The following ZNF277 variants were observed in gnomAD, a reference collection of about 807,000 sequenced individuals.
ZNF277 encodes the protein zinc finger protein 277.
Under a neutral mutation model 60.7 loss-of-function variants are expected in ZNF277, and 55 were observed. That is an observed-to-expected ratio of 0.91 (90% confidence interval 0.73 to 1.13). The LOEUF is 1.13. Ranked by LOEUF, ZNF277 falls within the 50% of genes most tolerant of loss-of-function variation. The pLI, the probability that ZNF277 is intolerant of heterozygous loss-of-function variation, is 0.00. For synonymous variants in ZNF277, 178 were observed against 179.3 expected (o/e 0.99, Z 0.06); for missense variants, 510 against 523.0 (o/e 0.98, Z 0.24).
intron 1 of ZNF277, among the ~76,000 whole-genome samples, chr7:112,255,006 CA>C (rs1381290970): frequency 6.6e-6 from 1 of 151,834 alleles, no homozygotes; most frequent in African/African-American, 2.4e-5. Flanking sequence ...ACAAAAAAAA[CA>C]AGTGATTGCC....
intron 1 of ZNF277, among the ~76,000 whole-genome samples, chr7:112,256,672 C>G (rs1791318419): frequency 6.6e-6 from 1 of 152,044 alleles, no homozygotes; most frequent in South Asian, 2.1e-4. Flanking sequence ...TCTCAAACTC[C>G]TGACCTCAGG....
chr7:112,340,765 C>T, intron 10 of ZNF277, 107 bp from the exon 11 acceptor site: 1 of 886,674 alleles, frequency 1.1e-6, no homozygotes, highest in Non-Finnish European at 1.8e-6. Context: ...ATTGTACTGC[C>T]TCTTCAGGTT....
chr7:112,261,007 C>T (rs1198385625), intron 1 of ZNF277, among the ~76,000 whole-genome samples: 1 of 152,190 alleles, frequency 6.6e-6, no homozygotes, highest in African/African-American at 2.4e-5. Context: ...TCAGAACTCA[C>T]AACAATAGGT....
At chr7:112,307,792 T>G (rs1405771088) in intron 4 of ZNF277, among the ~76,000 whole-genome samples, 2 of 151,972 alleles carry the variant, frequency 1.3e-5, no homozygotes, top group Admixed American at 1.3e-4. Context: ...AGTATCTTAG[T>G]GGTTAAGTGC....
chr7:112,340,412 T>C (rs1793420740), intron 10 of ZNF277, among the ~76,000 whole-genome samples: 1 of 152,236 alleles, frequency 6.6e-6, no homozygotes, highest in Admixed American at 6.5e-5. Context: ...AGTACTGACT[T>C]GCTAATAGAT....
intron 1 of ZNF277, among the ~76,000 whole-genome samples, chr7:112,228,693 T>A (rs916248081): frequency 2.0e-5 from 3 of 152,132 alleles, no homozygotes; most frequent in African/African-American, 7.2e-5. Flanking sequence ...GGTAGTCAGA[T>A]TGTACATAGT....
intron 1 of ZNF277, among the ~76,000 whole-genome samples, chr7:112,223,434 T>G (rs968340628): frequency 6.6e-6 from 1 of 152,212 alleles, no homozygotes; most frequent in Non-Finnish European, 1.5e-5. Flanking sequence ...TCTGTCTCCC[T>G]AGGCACTAGT....
At chr7:112,293,189 A>C (rs6948649) in intron 2 of ZNF277, among the ~76,000 whole-genome samples, 8,982 of 152,234 alleles carry the variant, frequency 0.059, 706 homozygotes, top group African/African-American at 0.18. Flanking sequence ...ATTAACTATG[A>C]TACTTTGACC....
chr7:112,296,888 TTTTATTTA>T (rs764539582), intron 4 of ZNF277, among the ~76,000 whole-genome samples: 2,205 of 61,310 alleles, frequency 0.036, 52 homozygotes, highest in East Asian at 0.068. Flanking sequence ...CTTATTTTTA[TTTTATTTA>T]TTTATTTATT....
Position 112,241,879 on chromosome 7 carries a change from G to A in ZNF277, c.91+35072G>A, listed in dbSNP as rs548181346. Among the ~76,000 whole-genome samples, 3 of 152,124 alleles carry A rather than the reference G, an allele frequency of 2.0e-5. No individual in the cohort carries two copies. The South Asian group carries it at 6.2e-4, about 32-fold the overall frequency. The stretch of plus-strand genomic sequence containing the variant: ...AAGGGTAGTGGTGGCGGAGAGGTGA[G>A]GATAGTTAAAGAGTACAAAAATATA... On this transcript the variant is annotated intron_variant, in intron 1 of 11. Coordinates refer to ENST00000361822, the MANE Select transcript of ZNF277 (RefSeq NM_021994.3).
intron 1 of ZNF277, among the ~76,000 whole-genome samples, chr7:112,209,771 C>G (rs1266441480): frequency 6.6e-6 from 1 of 152,092 alleles, no homozygotes; most frequent in African/African-American, 2.4e-5. Flanking sequence ...TTTTGTTAGG[C>G]AGTCATTTAG....
At chr7:112,235,284 C>A (rs1341025427) in intron 1 of ZNF277, among the ~76,000 whole-genome samples, 1 of 151,998 alleles carries the variant, frequency 6.6e-6, no homozygotes, top group African/African-American at 2.4e-5. Flanking sequence ...TGGATATATA[C>A]CTAGGAGTAG....
intron 1 of ZNF277, among the ~76,000 whole-genome samples, chr7:112,208,411 A>T (rs1206439407): frequency 6.6e-6 from 1 of 152,026 alleles, no homozygotes; most frequent in Non-Finnish European, 1.5e-5. Context: ...CCTTTCAAAA[A>T]TGTAAAATAT....
chr7:112,330,520 C>T (rs1203004235), intron 7 of ZNF277: 6 of 238,150 alleles, frequency 2.5e-5, no homozygotes, highest in South Asian at 3.7e-4. Flanking sequence ...TATGTAATAT[C>T]TTTTAACTTG....
At chr7:112,304,781 C>A (rs1162391234) in intron 4 of ZNF277, among the ~76,000 whole-genome samples, 1 of 152,116 alleles carries the variant, frequency 6.6e-6, no homozygotes, top group African/African-American at 2.4e-5. Flanking sequence ...CTTTAGCCAG[C>A]CTCACTTTGA....
chr7:112,318,951 C>G (rs1185592890), intron 5 of ZNF277, among the ~76,000 whole-genome samples: 1 of 151,992 alleles, frequency 6.6e-6, no homozygotes, highest in Non-Finnish European at 1.5e-5. Context: ...TACAGTTTTA[C>G]TATAAAGGAT....
chr7:112,287,109 T>A, intron 2 of ZNF277, 35 bp downstream of exon 2: 1 of 1,607,976 alleles, frequency 6.2e-7, no homozygotes, highest in South Asian at 1.1e-5. Context: ...AGAATTAAAT[T>A]TGACCATGTG....
chr7:112,294,532 G>T (rs1792282317), intron 2 of ZNF277, among the ~76,000 whole-genome samples: 1 of 152,102 alleles, frequency 6.6e-6, no homozygotes, highest in African/African-American at 2.4e-5. Flanking sequence ...ATAAGGAAAG[G>T]GTTCTCCCCT....
chr7:112,210,213 T>A (rs985508307), intron 1 of ZNF277, among the ~76,000 whole-genome samples: 1 of 152,192 alleles, frequency 6.6e-6, no homozygotes, highest in African/African-American at 2.4e-5. Context: ...TTAAGAGATT[T>A]TCTTCTTGCT....
Sources: gnomAD v4.1 joint callset for allele counts (sites outside exome capture counted in the v4.1 genomes callset) on GRCh38, gnomAD v4.1.1 for gene constraint, MANE v1.5 for transcripts, NCBI Gene and HGNC (gene_info 2026-07-23, HGNC 2026-07-21) for gene names.